The following ADAMTS6 variants were observed in gnomAD, a reference collection of about 807,000 sequenced individuals.
ADAMTS6 encodes A disintegrin and metalloproteinase with thrombospondin motifs 6.
Under a neutral mutation model 144.3 loss-of-function variants are expected in ADAMTS6, and 23 were observed. The observed-to-expected ratio is 0.16, with a 90% CI of 0.11 to 0.23. The LOEUF (loss-of-function observed/expected upper bound fraction) is 0.23, where lower values mean the gene tolerates loss of function less well. Ranked by LOEUF, ADAMTS6 falls within the 10% of genes least tolerant of loss-of-function variation. The probability of loss-of-function intolerance (pLI) is 1.00; values close to 1 mark genes in which losing one functional copy is unlikely to be tolerated. For missense variants in ADAMTS6, 999 were observed against 1,379.6 expected, an observed-to-expected ratio of 0.72 and a Z score of 4.37; for synonymous variants, 444 against 457.5, an observed-to-expected ratio of 0.97 and a Z score of 0.38.
intron 22 of ADAMTS6, among the ~76,000 whole-genome samples, chr5:65,183,123 C>G (rs1444868212): frequency 6.6e-6 from 1 of 152,198 alleles, no homozygotes; most frequent in Non-Finnish European, 1.5e-5. Context: ...TTAAGTAGAA[C>G]TCTAGCAAGT....
At chr5:65,260,306 G>C (rs1462149573) in intron 14 of ADAMTS6, among the ~76,000 whole-genome samples, 1 of 148,866 alleles carries the variant, frequency 6.7e-6, no homozygotes, top group Non-Finnish European at 1.5e-5. Flanking sequence ...AGTCAAGAAA[G>C]ATAGTGGTGT....
chr5:65,327,871 C>A (rs1158436086), intron 9 of ADAMTS6, among the ~76,000 whole-genome samples: 1 of 152,168 alleles, frequency 6.6e-6, no homozygotes, highest in Admixed American at 6.5e-5. Flanking sequence ...ACAGTGTTCA[C>A]CCACTGTATG....
At chr5:65,225,858 A>G (rs1199427011) in intron 16 of ADAMTS6, among the ~76,000 whole-genome samples, 2 of 152,208 alleles carry the variant, frequency 1.3e-5, no homozygotes, top group African/African-American at 4.8e-5. Context: ...ACTTCTGGCA[A>G]TCACTGTAAA....
intron 24 of ADAMTS6, among the ~76,000 whole-genome samples, chr5:65,158,783 G>C (rs1752577285): frequency 6.6e-6 from 1 of 152,098 alleles, no homozygotes; most frequent in Non-Finnish European, 1.5e-5. Flanking sequence ...AAAAACTAAA[G>C]CAGATGTTGA....
chr5:65,464,602 TC>T (rs1203537762), intron 3 of ADAMTS6, among the ~76,000 whole-genome samples: 1 of 152,192 alleles, frequency 6.6e-6, no homozygotes, highest in Non-Finnish European at 1.5e-5. Context: ...TCCCCCTGAA[TC>T]CCATCCATGG....
At chr5:65,263,486 A>T (rs1761372121) in intron 12 of ADAMTS6, among the ~76,000 whole-genome samples, 1 of 151,784 alleles carries the variant, frequency 6.6e-6, no homozygotes, top group African/African-American at 2.4e-5. Context: ...CATCTACATG[A>T]GCACTGCAGA....
At chr5:65,346,744 A>T (rs913138288) in intron 7 of ADAMTS6, among the ~76,000 whole-genome samples, 8 of 151,896 alleles carry the variant, frequency 5.3e-5, no homozygotes, top group Admixed American at 4.6e-4. Flanking sequence ...ATGATCTAAC[A>T]TATAGAAAAC....
At chr5:65,411,464 T>A (rs890940239) in intron 7 of ADAMTS6, among the ~76,000 whole-genome samples, 3 of 152,214 alleles carry the variant, frequency 2.0e-5, no homozygotes, top group African/African-American at 7.2e-5. Context: ...CAAATTTCTA[T>A]AAATGACTGT....
chr5:65,431,354 T>TGG (rs1756987368), intron 7 of ADAMTS6, among the ~76,000 whole-genome samples: 2 of 152,252 alleles, frequency 1.3e-5, no homozygotes, highest in East Asian at 3.9e-4. Context: ...TAAGGACACT[T>TGG]AAATAGATAA....
intron 7 of ADAMTS6, among the ~76,000 whole-genome samples, chr5:65,427,843 G>C (rs1756673702): frequency 6.6e-6 from 1 of 151,206 alleles, no homozygotes; most frequent in Non-Finnish European, 1.5e-5. Context: ...AACAGTATTT[G>C]AAAAAAATTA....
chr5:65,284,349 T>C (rs1211255015), intron 11 of ADAMTS6, among the ~76,000 whole-genome samples: 1 of 152,004 alleles, frequency 6.6e-6, no homozygotes, highest in Non-Finnish European at 1.5e-5. Flanking sequence ...GGCATTATTA[T>C]TATAGTTATT....
Position 65,460,300 on chromosome 5 carries a change from G to A in ADAMTS6, c.501C>T (p.Ile167=), listed in dbSNP as rs763890287. 7.3e-5 allele frequency: 118 copies of A among 1,613,162 alleles called. No individual in the cohort carries two copies. The highest frequency in any genetic ancestry group is 8.7e-5 in the Non-Finnish European group (103 of 1,179,612). ...VIATEDEEYF[I]EPLKNTTEDS... is the part of the protein sequence containing the mutation. ...CCTCTGTGGTATTCTTTAAAGGTTC[G>A]ATAAAATACTCTTCATCTTCTGTAG... The change falls in exon 4 of 25, where the codon ATC becomes ATT. Residue 167 remains isoleucine, a synonymous_variant. Transcript: ENST00000381055.
At chr5:65,193,356 C>A (rs1199729900) in intron 21 of ADAMTS6, among the ~76,000 whole-genome samples, 1 of 151,700 alleles carries the variant, frequency 6.6e-6, no homozygotes, top group Non-Finnish European at 1.5e-5. Flanking sequence ...TCATTCAAAT[C>A]AATAACAAAA....
At chr5:65,385,596 TTGTTA>T (rs1222564905) in intron 7 of ADAMTS6, among the ~76,000 whole-genome samples, 13 of 152,132 alleles carry the variant, frequency 8.5e-5, no homozygotes, top group Admixed American at 7.9e-4. Context: ...ATTTTATTTA[TTGTTA>T]TATTTTAATT....
intron 12 of ADAMTS6, among the ~76,000 whole-genome samples, chr5:65,268,878 G>A (rs962730651): frequency 1.3e-5 from 2 of 152,194 alleles, no homozygotes; most frequent in African/African-American, 2.4e-5. Context: ...CTCTGGATAT[G>A]TCTATGCTAT....
At chr5:65,471,524 G>C (rs986773869) in intron 2 of ADAMTS6, among the ~76,000 whole-genome samples, 1 of 152,034 alleles carries the variant, frequency 6.6e-6, no homozygotes. Flanking sequence ...ATCCAAAAAA[G>C]AATCTCTATA....
intron 7 of ADAMTS6, among the ~76,000 whole-genome samples, chr5:65,390,436 C>T (rs1002974417): frequency 6.6e-6 from 1 of 152,176 alleles, no homozygotes; most frequent in Non-Finnish European, 1.5e-5. Flanking sequence ...AATCTAATTA[C>T]AAAGCTTCAG....
Position 65,149,298 on chromosome 5 carries a change from A to C in ADAMTS6, c.*2538T>G, listed in dbSNP as rs1752010305. The C allele has an allele frequency of 6.6e-6, 1 of 152,246 alleles. No individual in the cohort carries two copies. Among genetic ancestry groups the C allele is most frequent in the Non-Finnish European group, 1.5e-5 (1 of 68,046 alleles). 9.4% of individuals were successfully genotyped at this position (152,246 alleles called of 1,614,324 possible). On this transcript the variant is annotated 3_prime_UTR_variant, in exon 25 of 25. Transcript: ENST00000381055. Reference sequence around the variant, plus strand: ...TGTTATTATTTAGGAATAGGGCATCATGTAGCCATGGGGGTGGCTACAGAG... The same window carrying C: ...TGTTATTATTTAGGAATAGGGCATCCTGTAGCCATGGGGGTGGCTACAGAG...
At chr5:65,225,732 G>T (rs1757675282) in intron 16 of ADAMTS6, among the ~76,000 whole-genome samples, 2 of 152,120 alleles carry the variant, frequency 1.3e-5, no homozygotes, top group East Asian at 1.9e-4. Context: ...CTTCCAAAAA[G>T]AACATATGGT....
Sources: gnomAD v4.1 joint callset for allele counts (sites outside exome capture counted in the v4.1 genomes callset) on GRCh38, gnomAD v4.1.1 for gene constraint, MANE v1.5 for transcripts, NCBI Gene and HGNC (gene_info 2026-07-23, HGNC 2026-07-21) for gene names.